The following ZNF493 variants were observed in gnomAD, a reference collection of about 807,000 sequenced individuals.
The protein encoded by ZNF493 is zinc finger protein 493.
A neutral mutation model predicts 12.2 loss-of-function variants in ZNF493; 11 were observed. The observed-to-expected ratio is 0.90, with a 90% CI of 0.57 to 1.50. The LOEUF (loss-of-function observed/expected upper bound fraction) is 1.50. ZNF493 is among the 40% of genes most tolerant of loss of function. The pLI is 0.00. For missense variants in ZNF493, 950 were observed against 906.6 expected, an observed-to-expected ratio of 1.05 and a Z score of -0.61; for synonymous variants, 286 against 302.6, an observed-to-expected ratio of 0.95 and a Z score of 0.57.
In ZNF493 at chr19:21,405,186, C is replaced by T. The variant is rs1324181947; in HGVS notation, c.88C>T (p.Leu30=). 14 of 1,613,874 alleles carry T rather than the reference C, an allele frequency of 8.7e-6. No individual in the cohort carries two copies. Among genetic ancestry groups the T allele is most frequent in the Non-Finnish European group, 1.2e-5 (14 of 1,180,008 alleles). ...ATTCTCTCTGGAGGAGTGGCAATGC[C>T]TGGACACTGCTCAGCAGGATTTGTA... ...IEFSLEEWQC[L]DTAQQDLYRK... is the part of the protein sequence containing the mutation. The change falls in exon 2 of 4, where the codon CTG becomes TTG. Residue 30 remains leucine (L), a synonymous_variant. Coordinates refer to ENST00000392288, the MANE Select transcript of ZNF493 (RefSeq NM_001076678.3).
rs2030748661 is a variant in ZNF493, at chr19:21,423,516, T to A, written c.857T>A (p.Ile286Asn). The change falls in exon 4 of 4, where the codon ATT becomes AAT. Residue 286 changes from isoleucine to asparagine, a missense_variant. By Grantham distance (149) the Ile-to-Asn change is moderately radical. Coordinates refer to ENST00000392288, the MANE Select transcript of ZNF493 (RefSeq NM_001076678.3). The part of the protein sequence containing the change: ...QFSYLTRHKL[I>N]HTREKPYKCE... ...TCATACCTTACTAGGCATAAGCTAA[T>A]TCATACTAGAGAGAAACCCTATAAA... 1 of 1,613,564 alleles carries A rather than the reference T, an allele frequency of 6.2e-7. No individual in the cohort carries two copies. The highest frequency in any genetic ancestry group is 1.3e-5 in the African/African-American group (1 of 74,846).
In ZNF493 at chr19:21,416,341, C is replaced by T. The variant is rs185655056; in HGVS notation, c.254-6572C>T. On this transcript the variant is annotated intron_variant, in intron 3 of 3. Coordinates refer to ENST00000392288, the MANE Select transcript of ZNF493 (RefSeq NM_001076678.3). ...TTGTTCTGGAATTAGAACTTGTGCT[C>T]CCCATTGTTGTAATAAATCTCTTCC... 7.0e-3 allele frequency among the ~76,000 whole-genome samples: 1,062 copies of T among 152,148 alleles called. 8 individuals are homozygous for T. The highest frequency in any genetic ancestry group is 0.011 in the Non-Finnish European group (775 of 68,008).
chr19:21,410,660 T>C (rs1348119201), intron 3 of ZNF493, among the ~76,000 whole-genome samples: 1 of 152,230 alleles, frequency 6.6e-6, no homozygotes, highest in East Asian at 1.9e-4. Context: ...ATAGTGTAGT[T>C]ACATTTTTCT....
chr19:21,427,245 T>C lies in ZNF493; in HGVS notation c.*2261T>C, dbSNP rs2030877045. 6.0e-6 allele frequency: 1 copy of C among 167,034 alleles called. No individual in the cohort carries two copies. Among genetic ancestry groups the C allele is most frequent in the African/African-American group, 2.4e-5 (1 of 41,434 alleles). 10.3% of individuals were successfully genotyped at this position (167,034 alleles called of 1,614,324 possible). On this transcript the variant is annotated 3_prime_UTR_variant, in exon 4 of 4. Transcript: ENST00000392288. Reference sequence around the variant, plus strand: ...GGTAGGTGTTAAGAGTAATATTCTTTTGCATTATGAGAAAACTAGTATATT... The same window carrying C: ...GGTAGGTGTTAAGAGTAATATTCTTCTGCATTATGAGAAAACTAGTATATT...
chr19:21,424,325 C>A lies in ZNF493; in HGVS notation c.1666C>A (p.Arg556=). 1 of 1,612,842 alleles carries A rather than the reference C, an allele frequency of 6.2e-7. No individual in the cohort carries two copies. Among genetic ancestry groups the A allele is most frequent in the East Asian group, 2.2e-5 (1 of 44,772 alleles). Residue 556 remains arginine, a synonymous_variant, in exon 4 of 4, where the codon CGG becomes AGG. Coordinates refer to ENST00000392288, the MANE Select transcript of ZNF493 (RefSeq NM_001076678.3). ...TGAAGAATGTGGCAAAGCTTTTAAT[C>A]GGTCCTCACACCTTACTACACATAA... is the stretch of plus-strand genomic sequence containing the variant. ...KCEECGKAFN[R]SSHLTTHKRI...
chr19:21,405,050 T>C, intron 1 of ZNF493, 79 bp from the exon 2 acceptor site: 2 of 1,536,100 alleles, frequency 1.3e-6, no homozygotes, highest in Non-Finnish European at 1.7e-6. Context: ...CTTTCTCATT[T>C]GACCTTAATT....
At position 21,424,342 on chromosome 19, in the gene ZNF493, T is replaced by A; in HGVS notation, c.1683T>A (p.Thr561=). 6.2e-7 allele frequency: 1 copy of A among 1,613,600 alleles called. No homozygotes were observed. The highest frequency in any genetic ancestry group is 8.5e-7 in the Non-Finnish European group (1 of 1,179,748). Residue 561 remains threonine (T), a synonymous_variant, in exon 4 of 4, where the codon ACT becomes ACA. Coordinates refer to ENST00000392288, the MANE Select transcript of ZNF493 (RefSeq NM_001076678.3). The stretch of plus-strand genomic sequence containing the variant: ...CTTTTAATCGGTCCTCACACCTTAC[T>A]ACACATAAGAGAATTCATACTGGAC... ...GKAFNRSSHL[T]THKRIHTGHK...
rs182610228 is a variant in ZNF493 at position 21,408,310 on chromosome 19, G to A, written c.253+2454G>A. On this transcript the variant is annotated intron_variant, in intron 3 of 3. Transcript: ENST00000392288. ...CCAGCTAATTTTTTGTGTGTTTTTA[G>A]TGGAGACGGGGTTTCACCATGTTGG... The A allele has an allele frequency of 1.9e-4, 120 of 618,586 alleles. 1 individual carries two copies. In the African/African-American group the frequency reaches 2.3e-3, roughly 12 times the overall value. 38.3% of individuals were successfully genotyped at this position (618,586 alleles called of 1,614,324 possible).
intron 3 of ZNF493, among the ~76,000 whole-genome samples, chr19:21,417,065 C>T (rs534933757): frequency 1.4e-4 from 21 of 152,264 alleles, no homozygotes; most frequent in East Asian, 1.2e-3. Context: ...CAGTTTAGAA[C>T]GGGGCCTGAG....
intron 1 of ZNF493, among the ~76,000 whole-genome samples, chr19:21,403,162 C>T (rs111600235): frequency 6.6e-6 from 1 of 152,232 alleles, no homozygotes; most frequent in African/African-American, 2.4e-5. Context: ...GCTCTCTCCA[C>T]AGGTTCTGTG....
At position 21,426,701 on chromosome 19, in the gene ZNF493, A is replaced by G. The variant is rs1310417203; in HGVS notation, c.*1717A>G. 6.0e-6 allele frequency: 1 copy of G among 166,916 alleles called. No homozygotes were observed. The highest frequency in any genetic ancestry group is 1.5e-5 in the Non-Finnish European group (1 of 68,076). The allele number at this position is 166,916 out of a possible 1,614,324, so 10.3% of individuals were successfully genotyped here. ...TTTCAAAAACTACAGCTTAGAAAAC[A>G]CCAGAGTTTATACGAAAATATATTT... On this transcript the variant is annotated 3_prime_UTR_variant, in exon 4 of 4. Transcript: ENST00000392288.
intron 3 of ZNF493, among the ~76,000 whole-genome samples, chr19:21,418,149 T>C (rs1363853005): frequency 1.3e-5 from 2 of 152,132 alleles, no homozygotes; most frequent in Non-Finnish European, 2.9e-5. Flanking sequence ...TCACCCAGTG[T>C]CCTCTGGAAA....
chr19:21,409,303 A>G (rs1348390827), intron 3 of ZNF493, among the ~76,000 whole-genome samples: 1 of 151,994 alleles, frequency 6.6e-6, no homozygotes, highest in Non-Finnish European at 1.5e-5. Context: ...ATGAATATAT[A>G]TTCCCTTTGT....
chr19:21,425,755 A>G lies in ZNF493; in HGVS notation c.*771A>G. ...AACCTTACTAAACATAAGATAACTC[A>G]TACTGGAGAAAAATCTTACAAATGT... is the stretch of plus-strand genomic sequence containing the variant. On this transcript the variant is annotated 3_prime_UTR_variant, in exon 4 of 4. Transcript: ENST00000392288. The G allele has an allele frequency of 1.7e-6, 1 of 599,700 alleles. No individual in the cohort carries two copies. The highest frequency in any genetic ancestry group is 3.1e-6 in the Non-Finnish European group (1 of 319,034). The allele number at this position is 599,700 out of a possible 1,614,324, so 37.1% of individuals were successfully genotyped here. A position where few individuals can be genotyped will look rare whatever the true frequency, so the allele number is the denominator to read the frequency against.
At chr19:21,397,344 C>T in intron 1 of ZNF493, 77 bp downstream of exon 1, 1 of 1,539,878 alleles carries the variant, frequency 6.5e-7, no homozygotes, top group Non-Finnish European at 9.0e-7. Context: ...TGTGGCGGGA[C>T]TCAGGCCTCC....
chr19:21,408,114 ATTTTTTTTTTTT>A (rs56372601), intron 3 of ZNF493: 660 of 829,466 alleles, frequency 8.0e-4, no homozygotes, highest in South Asian at 9.1e-4. Flanking sequence ...GTACTTCCCA[ATTTTTTTTTTTT>A]TTTTTTTTTT....
At position 21,425,186 on chromosome 19, in the gene ZNF493, C is replaced by A; in HGVS notation, c.*202C>A. 1 of 699,022 alleles carries A rather than the reference C, an allele frequency of 1.4e-6. No individual in the cohort carries two copies. The highest frequency in any genetic ancestry group is 2.5e-6 in the Non-Finnish European group (1 of 404,424). The allele number at this position is 699,022 out of a possible 1,614,324, so 43.3% of individuals were successfully genotyped here. A position where few individuals can be genotyped will look rare whatever the true frequency, so the allele number is the denominator to read the frequency against. ...TAATTCATATTGGAGAGAAATTCTA[C>A]AGATGTGAAGAATGTGGCAAAGGCT... is the stretch of plus-strand genomic sequence containing the variant. On this transcript the variant is annotated 3_prime_UTR_variant, in exon 4 of 4. Transcript: ENST00000392288.
intron 3 of ZNF493, chr19:21,411,824 C>T (rs1370239341): frequency 6.7e-6 from 1 of 149,088 alleles, no homozygotes; most frequent in Non-Finnish European, 1.5e-5. Flanking sequence ...AGTACAGTGG[C>T]TGAATCTCAG....
intron 3 of ZNF493, among the ~76,000 whole-genome samples, chr19:21,406,231 AAG>A (rs1568378162): frequency 6.6e-6 from 1 of 152,156 alleles, no homozygotes; most frequent in Non-Finnish European, 1.5e-5. Flanking sequence ...TCAAAAAAAA[AAG>A]GAAAAGAAAA....
Sources: allele counts gnomAD v4.1 joint callset (sites outside exome capture counted in the v4.1 genomes callset), GRCh38; gene constraint gnomAD v4.1.1; transcripts MANE v1.5; gene names NCBI Gene and HGNC (gene_info 2026-07-23, HGNC 2026-07-21).